Variants in PPP6R3 observed in about 807,000 individuals in gnomAD.
PPP6R3 encodes protein phosphatase 6 regulatory subunit 3.
In PPP6R3, 38 loss-of-function variants were observed where a neutral mutation model predicts 110.7. That is an observed-to-expected ratio of 0.34 (90% CI 0.26 to 0.45). The LOEUF (loss-of-function observed/expected upper bound fraction) is 0.45. Ranked by LOEUF, PPP6R3 falls within the 20% of genes least tolerant of loss-of-function variation. The pLI is 1.00. For missense variants in PPP6R3, 870 were observed against 1,062.4 expected (o/e 0.82, Z 2.52); for synonymous variants, 369 against 373.5 (o/e 0.99, Z 0.14).
intron 14 of PPP6R3, among the ~76,000 whole-genome samples, chr11:68,580,340 T>C (rs929402988): frequency 4.6e-5 from 7 of 152,170 alleles, no homozygotes; most frequent in Non-Finnish European, 1.0e-4. Context: ...CATACCTTGA[T>C]GTATATTTTT....
At chr11:68,462,405 G>A (rs909354589) in intron 1 of PPP6R3, among the ~76,000 whole-genome samples, 4 of 152,132 alleles carry the variant, frequency 2.6e-5, no homozygotes, top group Middle Eastern at 3.4e-3. Flanking sequence ...GAGTAGTAGC[G>A]CCTCATAATG....
intron 23 of PPP6R3, among the ~76,000 whole-genome samples, chr11:68,612,573 C>CT (rs577479967): frequency 0.045 from 6,554 of 146,038 alleles, 272 homozygotes; most frequent in African/African-American, 0.11. Context: ...AAGTGGACAC[C>CT]TTTTTTTTTT....
At chr11:68,466,355 G>A (rs1020435252) in intron 1 of PPP6R3, among the ~76,000 whole-genome samples, 3 of 151,968 alleles carry the variant, frequency 2.0e-5, no homozygotes, top group Non-Finnish European at 4.4e-5. Context: ...GGTTGGCTAC[G>A]TGGTAAAGAA....
rs922525493 is a variant in PPP6R3, at chr11:68,588,120, C to T, written c.1730+96C>T. On this transcript the variant is annotated intron_variant, in intron 16 of 23. Transcript: ENST00000393800. ...TGCGGGATTCTTAGTCTTGAGCATT[C>T]GTGAGTGGGAGGAACCTGCTCTTTC... is the stretch of plus-strand genomic sequence containing the variant. 5.5e-5 allele frequency: 61 copies of T among 1,105,576 alleles called. No individual in the cohort carries two copies. The East Asian group carries it at 9.5e-4, about 17-fold the overall frequency. The allele number at this position is 1,105,576 out of a possible 1,614,324, so 68.5% of individuals were successfully genotyped here.
intron 14 of PPP6R3, among the ~76,000 whole-genome samples, chr11:68,578,203 A>C (rs2099539458): frequency 6.6e-6 from 1 of 152,200 alleles, no homozygotes; most frequent in Non-Finnish European, 1.5e-5. Context: ...TTTCCTGTCC[A>C]GAATGTGTTC....
chr11:68,521,410 G>C (rs1473839011), intron 2 of PPP6R3, among the ~76,000 whole-genome samples: 1 of 152,116 alleles, frequency 6.6e-6, no homozygotes, highest in Non-Finnish European at 1.5e-5. Flanking sequence ...TGTTTATTTT[G>C]TTTTTCTTTG....
At chr11:68,540,634 AT>A (rs1159309466) in intron 3 of PPP6R3, among the ~76,000 whole-genome samples, 1 of 152,148 alleles carries the variant, frequency 6.6e-6, no homozygotes, top group Non-Finnish European at 1.5e-5. Flanking sequence ...TGGGAGCATT[AT>A]GGGAGACTGG....
chr11:68,529,964 G>A (rs560492741), intron 2 of PPP6R3, among the ~76,000 whole-genome samples: 5 of 152,220 alleles, frequency 3.3e-5, no homozygotes, highest in Non-Finnish European at 7.3e-5. Context: ...CTGGCCATGT[G>A]TAACTCTTGA....
intron 1 of PPP6R3, chr11:68,514,881 G>C (rs2099128330): frequency 6.6e-6 from 1 of 152,156 alleles, no homozygotes; most frequent in South Asian, 2.1e-4. Flanking sequence ...CACCATGCCT[G>C]GCCTGAAATC....
chr11:68,549,284 T>G (rs1350496279), intron 5 of PPP6R3, among the ~76,000 whole-genome samples: 2 of 152,246 alleles, frequency 1.3e-5, no homozygotes, highest in Non-Finnish European at 1.5e-5. Flanking sequence ...AACTTACTCA[T>G]TTCTTTGGAA....
intron 3 of PPP6R3, among the ~76,000 whole-genome samples, chr11:68,541,383 G>A (rs1400022559): frequency 6.6e-6 from 1 of 152,164 alleles, no homozygotes; most frequent in African/African-American, 2.4e-5. Flanking sequence ...CCTGATTGTT[G>A]AGAAGCGGTC....
intron 8 of PPP6R3, among the ~76,000 whole-genome samples, chr11:68,561,088 A>G (rs1243826410): frequency 2.0e-5 from 3 of 151,580 alleles, no homozygotes; most frequent in Non-Finnish European, 4.4e-5. Context: ...TTTAGTAGAG[A>G]CGGGGTTTCA....
intron 1 of PPP6R3, among the ~76,000 whole-genome samples, chr11:68,463,653 G>T (rs1251775621): frequency 1.3e-5 from 2 of 152,156 alleles, no homozygotes; most frequent in Admixed American, 1.3e-4. Flanking sequence ...GTCCTTAGAA[G>T]TTATGGTCTG....
At position 68,612,501 on chromosome 11, in the gene PPP6R3, G is replaced by C. The variant is rs1416511485; in HGVS notation, c.2571-565G>C. 2.0e-5 allele frequency among the ~76,000 whole-genome samples: 3 copies of C among 152,048 alleles called. No homozygotes were observed. In the East Asian group the frequency reaches 5.8e-4, roughly 29 times the overall value. The stretch of plus-strand genomic sequence containing the variant: ...AAACCTGGACACTTTGTTATATACT[G>C]TCCCACCTGTTATTCCCTCCCAGTT... On this transcript the variant is annotated intron_variant, in intron 23 of 23. Coordinates refer to ENST00000393800, the MANE Select transcript of PPP6R3 (RefSeq NM_001164161.2).
chr11:68,579,659 C>T (rs996953701), intron 14 of PPP6R3, among the ~76,000 whole-genome samples: 3 of 152,210 alleles, frequency 2.0e-5, no homozygotes, highest in Non-Finnish European at 4.4e-5. Flanking sequence ...TGTGCACACA[C>T]AATATGTGTA....
At chr11:68,481,272 C>T (rs2098909195) in intron 1 of PPP6R3, among the ~76,000 whole-genome samples, 1 of 152,182 alleles carries the variant, frequency 6.6e-6, no homozygotes, top group Non-Finnish European at 1.5e-5. Context: ...CATTTTGTGA[C>T]ACTCTGGTGG....
chr11:68,472,573 C>G (rs550635222), intron 1 of PPP6R3, among the ~76,000 whole-genome samples: 1 of 150,402 alleles, frequency 6.6e-6, no homozygotes, highest in Admixed American at 6.6e-5. Flanking sequence ...TATTGTCAGA[C>G]TTTAATATTT....
rs565474009 is a variant in PPP6R3, at chr11:68,583,130, G to A, written c.1632+1G>A. ...CTCACAGGATTCTTCTTTGCAGCAA[G>A]TGAGTCACGCCTAAAGCTTTGCTTT... is the stretch of plus-strand genomic sequence containing the variant. On this transcript the variant is annotated splice_donor_variant, in intron 15 of 23. Transcript: ENST00000393800. LOFTEE classifies it high-confidence loss of function. 6.5e-7 allele frequency: 1 copy of A among 1,532,168 alleles called. No individual in the cohort carries two copies. Among genetic ancestry groups the A allele is most frequent in the Admixed American group, 2.0e-5 (1 of 49,726 alleles). The allele number at this position is 1,532,168 out of a possible 1,614,324, so 94.9% of individuals were successfully genotyped here.
chr11:68,492,791 C>G (rs912035141), intron 1 of PPP6R3, among the ~76,000 whole-genome samples: 1 of 152,194 alleles, frequency 6.6e-6, no homozygotes, highest in Non-Finnish European at 1.5e-5. Flanking sequence ...TGTTTATAGA[C>G]ATGAGCTGTA....
Sources: gnomAD v4.1 joint callset for allele counts (sites outside exome capture counted in the v4.1 genomes callset) on GRCh38, gnomAD v4.1.1 for gene constraint, MANE v1.5 for transcripts, NCBI Gene and HGNC (gene_info 2026-07-23, HGNC 2026-07-21) for gene names.